The following SV2B variants were observed in gnomAD, a reference collection of about 807,000 sequenced individuals.
The protein encoded by SV2B is synaptic vesicle glycoprotein 2B.
Under a neutral mutation model 73.9 loss-of-function variants are expected in SV2B, and 41 were observed. That is an observed-to-expected ratio of 0.56 (90% CI 0.43 to 0.72). SV2B has a LOEUF of 0.72. Ranked by LOEUF, SV2B falls within the 30% of genes least tolerant of loss-of-function variation. SV2B has a pLI of 0.00. For missense variants in SV2B, 764 were observed against 857.8 expected (o/e 0.89, Z 1.37); for synonymous variants, 314 against 314.2 (o/e 1.00, Z 0.01).
At position 91,300,780 on chromosome 15, in the gene SV2B, A is replaced by T. The variant is rs1487736222; in HGVS notation, c.*8228A>T. On this transcript the variant is annotated 3_prime_UTR_variant, in exon 13 of 13. Transcript: ENST00000394232. ...GAGCTGTTGAGTAGTAATGTCCGCT[A>T]CAACACCACGCTCCCGGAATGGTGG... 1.3e-5 allele frequency: 2 copies of T among 152,232 alleles called. No homozygotes were observed. The highest frequency in any genetic ancestry group is 4.8e-5 in the African/African-American group (2 of 41,450). 9.4% of individuals were successfully genotyped at this position (152,232 alleles called of 1,614,324 possible).
intron 1 of SV2B, among the ~76,000 whole-genome samples, chr15:91,114,081 G>A (rs1206351222): frequency 6.6e-6 from 1 of 151,464 alleles, no homozygotes; most frequent in African/African-American, 2.4e-5. Context: ...CTACTCGGGA[G>A]GCTGAGGCAG....
chr15:91,178,343 C>T (rs2044406475), intron 1 of SV2B, among the ~76,000 whole-genome samples: 2 of 149,402 alleles, frequency 1.3e-5, no homozygotes, highest in Admixed American at 6.6e-5. Flanking sequence ...GGATATTGGT[C>T]TAAAATTCTC....
At chr15:91,256,711 A>T (rs1322936364) in intron 4 of SV2B, among the ~76,000 whole-genome samples, 1 of 152,214 alleles carries the variant, frequency 6.6e-6, no homozygotes, top group Non-Finnish European at 1.5e-5. Context: ...AGTGTATTGG[A>T]TGAGGTTTGT....
Position 91,283,888 on chromosome 15 carries a change from C to CGACA in SV2B, c.1508-133_1508-132insGACA. The CGACA allele has an allele frequency of 6.6e-6, 6 of 902,352 alleles. No homozygotes were observed. Among genetic ancestry groups the CGACA allele is most frequent in the African/African-American group, 1.6e-5 (1 of 61,050 alleles). The allele number at this position is 902,352 out of a possible 1,614,324, so 55.9% of individuals were successfully genotyped here. A position where few individuals can be genotyped will look rare whatever the true frequency, so the allele number is the denominator to read the frequency against. On this transcript the variant is annotated intron_variant, in intron 10 of 12. Coordinates refer to ENST00000394232, the MANE Select transcript of SV2B (RefSeq NM_001323032.3). This position sits in a 1 kb window ranked among gnomAD's most constrained non-coding sequence, Gnocchi z 4.3. ...ATGACATGGCCACATATTACCTTGACTTTGAGGCTGTCTGACTGGCAAAGG... is the reference window on the plus strand; with the variant it reads ...ATGACATGGCCACATATTACCTTGACGACATTTGAGGCTGTCTGACTGGCAAAGG...
In SV2B at chr15:91,197,964, G is replaced by T. The variant is rs1485669055; in HGVS notation, c.-391-27909G>T. Among the ~76,000 whole-genome samples the T allele has an allele frequency of 6.6e-6, 1 of 152,138 alleles. No individual in the cohort carries two copies. Among genetic ancestry groups the T allele is most frequent in the African/African-American group, 2.4e-5 (1 of 41,440 alleles). On this transcript the variant is annotated intron_variant, in intron 1 of 12. Coordinates refer to ENST00000394232, the MANE Select transcript of SV2B (RefSeq NM_001323032.3). This position sits in a 1 kb window ranked among gnomAD's most constrained non-coding sequence, Gnocchi z 4.9. ...CAGGAGAATCTCTTGAACCTGGGAGGCTGGAGGTTACAGTGAACCGAGATC... is the reference window on the plus strand; with the variant it reads ...CAGGAGAATCTCTTGAACCTGGGAGTCTGGAGGTTACAGTGAACCGAGATC...
At chr15:91,142,262 G>A (rs1420988047) in intron 1 of SV2B, among the ~76,000 whole-genome samples, 2 of 152,132 alleles carry the variant, frequency 1.3e-5, no homozygotes, top group Non-Finnish European at 2.9e-5. Context: ...CACTTCAAAT[G>A]AGGAACAATT....
At chr15:91,249,939 A>T (rs1235153579) in intron 2 of SV2B, among the ~76,000 whole-genome samples, 1 of 152,250 alleles carries the variant, frequency 6.6e-6, no homozygotes, top group Non-Finnish European at 1.5e-5. Context: ...ACACATTTAA[A>T]GAATAAGTAA....
rs1389750867 is a variant in SV2B at position 91,268,869 on chromosome 15, C to G, written c.1373+264C>G. Among the ~76,000 whole-genome samples the G allele has an allele frequency of 6.6e-6, 1 of 152,098 alleles. No individual in the cohort carries two copies. On this transcript the variant is annotated intron_variant, in intron 9 of 12. Coordinates refer to ENST00000394232, the MANE Select transcript of SV2B (RefSeq NM_001323032.3). This position sits in a 1 kb window ranked among gnomAD's most constrained non-coding sequence, Gnocchi z 4.4. Reference sequence around the variant, plus strand: ...ATGGAGACATTTGACTGAGGACGGTCAGTTGGGCCATTTTTCCAAGTGATG... The same window carrying G: ...ATGGAGACATTTGACTGAGGACGGTGAGTTGGGCCATTTTTCCAAGTGATG...
intron 1 of SV2B, among the ~76,000 whole-genome samples, chr15:91,127,870 G>T (rs2042531741): frequency 6.6e-6 from 1 of 152,206 alleles, no homozygotes; most frequent in South Asian, 2.1e-4. Context: ...AAGCTATGCA[G>T]ATTCAGGAGT....
chr15:91,188,305 T>TCC (rs2044857904), intron 1 of SV2B, among the ~76,000 whole-genome samples: 5 of 149,774 alleles, frequency 3.3e-5, no homozygotes, highest in Admixed American at 1.3e-4. Flanking sequence ...ATTTATTTAT[T>TCC]TATTTATTTA....
Position 91,253,881 on chromosome 15 carries a change from T to C in SV2B, c.784+1361T>C, listed in dbSNP as rs2141620368. On this transcript the variant is annotated intron_variant, in intron 4 of 12. Coordinates refer to ENST00000394232, the MANE Select transcript of SV2B (RefSeq NM_001323032.3). This position sits in a 1 kb window ranked among gnomAD's most constrained non-coding sequence, Gnocchi z 5.0. ...AGGAAGTGGGTTTGGGAACACCATG[T>C]TGTCTTTGCCATATCTAGTACTTGA... Among the ~76,000 whole-genome samples, 1 of 152,358 alleles carries C rather than the reference T, an allele frequency of 6.6e-6. No individual in the cohort carries two copies. Among genetic ancestry groups the C allele is most frequent in the Admixed American group, 6.5e-5 (1 of 15,300 alleles).
At chr15:91,286,186 G>T (rs187807944) in intron 11 of SV2B, among the ~76,000 whole-genome samples, 1 of 152,250 alleles carries the variant, frequency 6.6e-6, no homozygotes, top group Admixed American at 6.5e-5. Context: ...GCAGTGGGTC[G>T]GCTGTGACAT....
chr15:91,103,099 T>G (rs1167256866), intron 1 of SV2B, among the ~76,000 whole-genome samples: 1 of 152,240 alleles, frequency 6.6e-6, no homozygotes, highest in African/African-American at 2.4e-5. Flanking sequence ...TGCTGAGTTA[T>G]TGTTTAAGGA....
rs192022455 is a variant in SV2B at position 91,276,018 on chromosome 15, T to C, written c.1374-5710T>C. On this transcript the variant is annotated intron_variant, in intron 9 of 12. Coordinates refer to ENST00000394232, the MANE Select transcript of SV2B (RefSeq NM_001323032.3). ...TTGTCTGATGGATCTGTTTCTTCTC[T>C]TCAATTTTGAAAATATTTTTGCTGG... 2.3e-3 allele frequency among the ~76,000 whole-genome samples: 344 copies of C among 152,078 alleles called. 1 individual carries two copies. The highest frequency in any genetic ancestry group is 6.4e-3 in the African/African-American group (266 of 41,544).
chr15:91,137,624 TATAC>T lies in SV2B; in HGVS notation c.-392+37265_-392+37268del, dbSNP rs1311607676. Among the ~76,000 whole-genome samples the T allele has an allele frequency of 4.2e-5, 5 of 120,096 alleles. No homozygotes were observed. The highest frequency in any genetic ancestry group is 1.6e-4 in the Admixed American group (2 of 12,702). The allele number at this position is 120,096 out of a possible 152,430, so 78.8% of individuals were successfully genotyped here. On this transcript the variant is annotated intron_variant, in intron 1 of 12. Coordinates refer to ENST00000394232, the MANE Select transcript of SV2B (RefSeq NM_001323032.3). This position sits in a 1 kb window ranked among gnomAD's most constrained non-coding sequence, Gnocchi z 4.9. ...ATATATTTCATATATATATTTCATA[TATAC>T]ATATATTTCATATATACATATATAT...
At position 91,140,620 on chromosome 15, in the gene SV2B, C is replaced by A. The variant is rs1293261406; in HGVS notation, c.-392+40257C>A. On this transcript the variant is annotated intron_variant, in intron 1 of 12. Transcript: ENST00000394232. The surrounding 1 kb of genome is among the most constrained non-coding windows in gnomAD (Gnocchi z 4.4). ...CATTGCTCTCCTCTTTGATCTCCTCCAACAGAGTGGAGAACATGTCTGACA... is the reference window on the plus strand; with the variant it reads ...CATTGCTCTCCTCTTTGATCTCCTCAAACAGAGTGGAGAACATGTCTGACA... Among the ~76,000 whole-genome samples the A allele has an allele frequency of 2.0e-5, 3 of 152,150 alleles. No homozygotes were observed. Among genetic ancestry groups the A allele is most frequent in the Non-Finnish European group, 4.4e-5 (3 of 68,026 alleles).
chr15:91,293,044 C>T lies in SV2B; in HGVS notation c.*492C>T. 1 of 152,590 alleles carries T rather than the reference C, an allele frequency of 6.6e-6. No individual in the cohort carries two copies. The highest frequency in any genetic ancestry group is 1.9e-4 in the East Asian group (1 of 5,196). 9.5% of individuals were successfully genotyped at this position (152,590 alleles called of 1,614,324 possible). On this transcript the variant is annotated 3_prime_UTR_variant, in exon 13 of 13. Coordinates refer to ENST00000394232, the MANE Select transcript of SV2B (RefSeq NM_001323032.3). ...TTTTGCATTTAAAAGTATCACCTAT[C>T]ATATTTTCCACTCGAAAATTGACAT...
At chr15:91,248,269 C>T (rs184736089) in intron 2 of SV2B, among the ~76,000 whole-genome samples, 1 of 151,892 alleles carries the variant, frequency 6.6e-6, no homozygotes, top group East Asian at 1.9e-4. Flanking sequence ...TGCAGTGAGC[C>T]GAGATCGTGC....
At chr15:91,233,022 G>T (rs925362214) in intron 2 of SV2B, among the ~76,000 whole-genome samples, 1 of 152,126 alleles carries the variant, frequency 6.6e-6, no homozygotes, top group Admixed American at 6.6e-5. Flanking sequence ...CCATGTTGTT[G>T]TAAAGAACAT....
Sources: gnomAD v4.1 joint callset for allele counts (sites outside exome capture counted in the v4.1 genomes callset) on GRCh38, gnomAD v4.1.1 for gene constraint, Gnocchi (gnomAD v3.1) non-coding constraint, MANE v1.5 for transcripts, NCBI Gene and HGNC (gene_info 2026-07-23, HGNC 2026-07-21) for gene names.